CHRD: variants seen among roughly 807,000 people sequenced by gnomAD.
CHRD encodes chordin.
In CHRD, 69 loss-of-function variants were observed where a neutral mutation model predicts 113.7. The observed-to-expected ratio is 0.61, with a 90% confidence interval of 0.50 to 0.74. The LOEUF (loss-of-function observed/expected upper bound fraction) is 0.74, where lower values mean the gene tolerates loss of function less well. Ranked by LOEUF, CHRD falls within the 30% of genes least tolerant of loss-of-function variation. The pLI, the probability that CHRD is intolerant of heterozygous loss-of-function variation, is 0.00. For missense variants in CHRD, 1,194 were observed against 1,295.8 expected (o/e 0.92, Z 1.21); for synonymous variants, 561 against 540.8 (o/e 1.04, Z -0.52).
At chr3:184,389,466 C>G (rs1716880976) in exon 23 of CHRD, 7 of 1,580,246 alleles carry the variant, frequency 4.4e-6, no homozygotes, top group Non-Finnish European at 5.2e-6. Context: ...GGGGCCTGAG[C>G]TGGGGAAGGG....
At chr3:184,386,112 C>T in exon 15 of CHRD, 4 of 1,614,220 alleles carry the variant, frequency 2.5e-6, no homozygotes, top group Non-Finnish European at 3.4e-6. Context: ...CATGGCCTCC[C>T]TGATGATCAC....
At chr3:184,383,213 A>G in intron 10 of CHRD, 50 bp downstream of exon 10, 2 of 1,588,544 alleles carry the variant, frequency 1.3e-6, no homozygotes, top group Non-Finnish European at 1.7e-6. Context: ...ACTGAGAGAC[A>G]CAGACAAGTG....
Position 184,384,965 on chromosome 3 carries a change from G to A in CHRD, c.1598-53G>A. ...GGGAGCTGGGAATGCTGGGTTTGAG[G>A]GCTTGCCCTAGGCCACCTTCTCACC... is the stretch of plus-strand genomic sequence containing the variant. On this transcript the variant is annotated intron_variant, in intron 13 of 22. Coordinates refer to ENST00000204604, the Ensembl canonical transcript of CHRD. The surrounding 1 kb of genome is among the most constrained non-coding windows in gnomAD (Gnocchi z 4.4). 1.3e-6 allele frequency: 2 copies of A among 1,567,776 alleles called. No homozygotes were observed. The highest frequency in any genetic ancestry group is 1.8e-6 in the Non-Finnish European group (2 of 1,142,684).
In CHRD at chr3:184,384,662, G is replaced by A. The variant is rs751600008; in HGVS notation, c.1566G>A (p.Leu522=). Reference sequence around the variant, plus strand: ...AGCTTCGGGGGCACGTGGCTGCCCTGCCCTACTGTGGGCATAGCGCCCGCC... The same window carrying A: ...AGCTTCGGGGGCACGTGGCTGCCCTACCCTACTGTGGGCATAGCGCCCGCC... Residue 522 remains leucine (L), a synonymous_variant, in exon 13 of 23, where the codon CTG becomes CTA. Transcript: ENST00000204604. The surrounding 1 kb of genome is among the most constrained non-coding windows in gnomAD (Gnocchi z 4.4). 1.3e-6 allele frequency: 2 copies of A among 1,590,490 alleles called. No homozygotes were observed. Among genetic ancestry groups the A allele is most frequent in the Admixed American group, 1.8e-5 (1 of 56,306 alleles).
rs547874997 is a variant in CHRD at position 184,384,420 on chromosome 3, C to A, written c.1441-117C>A. On this transcript the variant is annotated intron_variant, in intron 12 of 22. Transcript: ENST00000204604. The surrounding 1 kb of genome is among the most constrained non-coding windows in gnomAD (Gnocchi z 4.4). ...AAACTGGGCCTGCCAGGTCCTTATC[C>A]TGTGTTTCTGGTGTGTGGAAGTGTG... 3 of 1,217,430 alleles carry A rather than the reference C, an allele frequency of 2.5e-6. No homozygotes were observed. The highest frequency in any genetic ancestry group is 5.6e-5 in the East Asian group (2 of 35,798). 75.4% of individuals were successfully genotyped at this position (1,217,430 alleles called of 1,614,324 possible).
chr3:184,389,522 C>A, exon 23 of CHRD: 1 of 1,068,450 alleles, frequency 9.4e-7, no homozygotes, highest in Non-Finnish European at 1.4e-6. Flanking sequence ...AAGCCCAGTG[C>A]CTTTGCTCCT....
exon 14 of CHRD, chr3:184,385,020 C>T (rs757737061): frequency 2.5e-6 from 4 of 1,613,668 alleles, no homozygotes; most frequent in Non-Finnish European, 3.4e-6. Flanking sequence ...GGACCCAGCG[C>T]TGCCCGTGCC....
rs373370547 is a variant in CHRD at position 184,386,810 on chromosome 3, G to T, written c.2197-35G>T. 31 of 1,613,816 alleles carry T rather than the reference G, an allele frequency of 1.9e-5. No homozygotes were observed. In the African/African-American group the frequency reaches 4.0e-4, roughly 21 times the overall value. On this transcript the variant is annotated intron_variant, in intron 16 of 22. Coordinates refer to ENST00000204604, the Ensembl canonical transcript of CHRD. ...CCTGGGATCTGGAGCAAGGGGCCTG[G>T]ACACTCCCGTCAATGCCTCTGCTCC...
rs1270835782 is a variant in CHRD at position 184,386,945 on chromosome 3, T to A, written c.2290+7T>A. 6.2e-7 allele frequency: 1 copy of A among 1,614,150 alleles called. No homozygotes were observed. Among genetic ancestry groups the A allele is most frequent in the Admixed American group, 1.7e-5 (1 of 60,030 alleles). ...TGCTGCCCTGTTTGCCCTGGTGAGT[T>A]CCCCGCAGGGGAGTGGAGGGAGGAG... On this transcript the variant is annotated splice_region_variant and intron_variant, in intron 17 of 22. Coordinates refer to ENST00000204604, the Ensembl canonical transcript of CHRD.
Position 184,381,037 on chromosome 3 carries a change from C to G in CHRD, c.253-198C>G, listed in dbSNP as rs947748692. 1 of 757,970 alleles carries G rather than the reference C, an allele frequency of 1.3e-6. No homozygotes were observed. Among genetic ancestry groups the G allele is most frequent in the Non-Finnish European group, 2.3e-6 (1 of 435,862 alleles). The allele number at this position is 757,970 out of a possible 1,614,324, so 47.0% of individuals were successfully genotyped here. ...CCTGCTCATCTAACTCTCATGGCAG[C>G]CTTGCTAGATAGAGAGTATTATTAT... On this transcript the variant is annotated intron_variant, in intron 2 of 22. Transcript: ENST00000204604. The surrounding 1 kb of genome is among the most constrained non-coding windows in gnomAD (Gnocchi z 4.7).
At chr3:184,386,513 G>A (rs749402951) in exon 16 of CHRD, 3 of 1,536,838 alleles carry the variant, frequency 2.0e-6, no homozygotes, top group East Asian at 4.8e-5. Flanking sequence ...CAACCAATGT[G>A]AGGTTGGCGG....
exon 9 of CHRD, chr3:184,382,909 C>A (rs1380063832): frequency 6.2e-7 from 1 of 1,613,928 alleles, no homozygotes; most frequent in Non-Finnish European, 8.5e-7. Flanking sequence ...GCAGCTACTG[C>A]GAGAACTTCA....
chr3:184,381,081 G>C lies in CHRD; in HGVS notation c.253-154G>C. Reference sequence around the variant, plus strand: ...TTATTATCCCCATTTTCCAGACAGGGACCTTGAGGCCCAGAGAGATGAAGT... The same window carrying C: ...TTATTATCCCCATTTTCCAGACAGGCACCTTGAGGCCCAGAGAGATGAAGT... On this transcript the variant is annotated intron_variant, in intron 2 of 22. Transcript: ENST00000204604. This position sits in a 1 kb window ranked among gnomAD's most constrained non-coding sequence, Gnocchi z 4.7. 1 of 881,764 alleles carries C rather than the reference G, an allele frequency of 1.1e-6. No individual in the cohort carries two copies. The highest frequency in any genetic ancestry group is 1.9e-6 in the Non-Finnish European group (1 of 533,758). 54.6% of individuals were successfully genotyped at this position (881,764 alleles called of 1,614,324 possible).
Position 184,387,788 on chromosome 3 carries a change from G to A in CHRD, c.2452-143G>A. On this transcript the variant is annotated intron_variant, in intron 19 of 22. Coordinates refer to ENST00000204604, the Ensembl canonical transcript of CHRD. This position sits in a 1 kb window ranked among gnomAD's most constrained non-coding sequence, Gnocchi z 6.1. Reference sequence around the variant, plus strand: ...CCTTGCAGGGTTCTGATGAGGAGCTGAGTTTAGGTCTATAAAGCCAGTCCG... The same window carrying A: ...CCTTGCAGGGTTCTGATGAGGAGCTAAGTTTAGGTCTATAAAGCCAGTCCG... The A allele has an allele frequency of 1.4e-6, 1 of 734,084 alleles. No individual in the cohort carries two copies. The highest frequency in any genetic ancestry group is 1.7e-5 in the South Asian group (1 of 57,872). The allele number at this position is 734,084 out of a possible 1,614,324, so 45.5% of individuals were successfully genotyped here.
Position 184,387,606 on chromosome 3 carries a change from CCCTTG to C in CHRD, c.2451+131_2451+135del. The C allele has an allele frequency of 2.3e-6, 2 of 870,236 alleles. No homozygotes were observed. Among genetic ancestry groups the C allele is most frequent in the Non-Finnish European group, 3.4e-6 (2 of 581,402 alleles). The allele number at this position is 870,236 out of a possible 1,614,324, so 53.9% of individuals were successfully genotyped here. A position where few individuals can be genotyped will look rare whatever the true frequency, so the allele number is the denominator to read the frequency against. On this transcript the variant is annotated intron_variant, in intron 19 of 22. Coordinates refer to ENST00000204604, the Ensembl canonical transcript of CHRD. This position sits in a 1 kb window ranked among gnomAD's most constrained non-coding sequence, Gnocchi z 6.1. Reference sequence around the variant, plus strand: ...AGAATCAAAACGATATGAGAAAAGGCCCTTGCGCTCTGAGAGTCGGCTTCCTGTGG... The same window carrying C: ...AGAATCAAAACGATATGAGAAAAGGCCGCTCTGAGAGTCGGCTTCCTGTGG...
At chr3:184,385,492 C>T (rs979410279) in intron 14 of CHRD, among the ~76,000 whole-genome samples, 11 of 151,980 alleles carry the variant, frequency 7.2e-5, no homozygotes, top group Non-Finnish European at 1.3e-4. Flanking sequence ...CATGGAGAAA[C>T]CCCATCTCTA....
intron 6 of CHRD, 46 bp from the exon 7 acceptor site, chr3:184,382,343 C>A (rs564985069): frequency 6.2e-7 from 1 of 1,613,428 alleles, no homozygotes; most frequent in Admixed American, 1.7e-5. Context: ...ATTGGCCTAG[C>A]CTGCACAGTG....
rs1716249311 is a variant in CHRD, at chr3:184,386,177, G to T, written c.1932+18G>T. ...GAGGGCAGGTAGGTGGCGAGTGTGG[G>T]CAGTGGGGGCAGTGGGGAGGGTGCA... On this transcript the variant is annotated intron_variant, in intron 15 of 22. Coordinates refer to ENST00000204604, the Ensembl canonical transcript of CHRD. 6.2e-7 allele frequency: 1 copy of T among 1,606,688 alleles called. No individual in the cohort carries two copies. The highest frequency in any genetic ancestry group is 1.7e-5 in the Admixed American group (1 of 59,974).
Position 184,388,241 on chromosome 3 carries a change from A to ATCCATCCATCCATCCATCCATCCATCCG in CHRD, c.2554+235_2554+236insGTCCATCCATCCATCCATCCATCCATCC, listed in dbSNP as rs1716636912. Among the ~76,000 whole-genome samples, 77 of 40,882 alleles carry ATCCATCCATCCATCCATCCATCCATCCG rather than the reference A, an allele frequency of 1.9e-3. No individual in the cohort carries two copies. The highest frequency in any genetic ancestry group is 5.3e-3 in the African/African-American group (75 of 14,034). The allele number at this position is 40,882 out of a possible 152,430, so 26.8% of individuals were successfully genotyped here. A position where few individuals can be genotyped will look rare whatever the true frequency, so the allele number is the denominator to read the frequency against. ...TGGTTCCTGCTCCATCCATCCGTCC[A>ATCCATCCATCCATCCATCCATCCATCCG]TCCATCCATCCATCCATCCATCCAT... On this transcript the variant is annotated intron_variant, in intron 20 of 22. Coordinates refer to ENST00000204604, the Ensembl canonical transcript of CHRD. The surrounding 1 kb of genome is among the most constrained non-coding windows in gnomAD (Gnocchi z 6.1).
Sources: gnomAD v4.1 joint callset for allele counts (sites outside exome capture counted in the v4.1 genomes callset) on GRCh38, gnomAD v4.1.1 for gene constraint, Gnocchi (gnomAD v3.1) non-coding constraint, MANE v1.5 for transcripts, NCBI Gene and HGNC (gene_info 2026-07-23, HGNC 2026-07-21) for gene names.